Variants in SLC26A7 observed in about 807,000 individuals in gnomAD.
The protein encoded by SLC26A7 is solute carrier family 26 member 7, also known as anion exchange transporter.
SLC26A7 carries 59 observed loss-of-function variants against 82.5 expected under a neutral mutation model. That is an observed-to-expected ratio of 0.72 (90% confidence interval 0.58 to 0.89). The LOEUF is 0.89. Ranked by LOEUF, SLC26A7 falls within the 40% of genes least tolerant of loss-of-function variation. The probability of loss-of-function intolerance (pLI) is 0.00; values close to 1 mark genes in which losing one functional copy is unlikely to be tolerated. For synonymous variants in SLC26A7, 271 were observed against 274.3 expected (o/e 0.99, Z 0.12); for missense variants, 820 against 793.0 (o/e 1.03, Z -0.41).
chr8:91,352,203 TTGAC>T (rs898423950), intron 10 of SLC26A7, among the ~76,000 whole-genome samples: 4 of 152,124 alleles, frequency 2.6e-5, no homozygotes, highest in Non-Finnish European at 5.9e-5. Context: ...TACTAAAACT[TTGAC>T]TGTTAGAAAA....
rs372204178 is a variant in SLC26A7, at chr8:91,390,282, A to AT, written c.1776+852dup. Among the ~76,000 whole-genome samples the AT allele has an allele frequency of 6.0e-3, 902 of 151,252 alleles. 11 individuals carry two copies. Among genetic ancestry groups the AT allele is most frequent in the African/African-American group, 0.017 (682 of 41,284 alleles). ...CAGGCACCTGCCACCACGCCCGGCT[A>AT]TTTTTTTTGTATTTTTAGTAGAGAC... On this transcript the variant is annotated intron_variant, in intron 16 of 18. Coordinates refer to ENST00000276609, the MANE Select transcript of SLC26A7 (RefSeq NM_052832.4).
intron 18 of SLC26A7, chr8:91,394,611 G>T: frequency 8.6e-7 from 1 of 1,157,894 alleles, no homozygotes; most frequent in African/African-American, 1.6e-5. Flanking sequence ...CTCACCCCTA[G>T]AATAACATTT....
At chr8:91,334,487 G>A in intron 6 of SLC26A7, 40 bp downstream of exon 6, 3 of 1,568,866 alleles carry the variant, frequency 1.9e-6, no homozygotes, top group Non-Finnish European at 1.7e-6. Context: ...GCCATGCAAA[G>A]CTTTCCAGTT....
chr8:91,375,857 C>G (rs559750089), intron 15 of SLC26A7, among the ~76,000 whole-genome samples: 1 of 152,002 alleles, frequency 6.6e-6, no homozygotes, highest in Admixed American at 6.5e-5. Context: ...TCTTCTTCTT[C>G]TCTCAGGTAT....
At chr8:91,390,778 C>T (rs1236420666) in intron 16 of SLC26A7, among the ~76,000 whole-genome samples, 1 of 152,216 alleles carries the variant, frequency 6.6e-6, no homozygotes, top group South Asian at 2.1e-4. Context: ...ATGGGTCCCC[C>T]TCATCATGCC....
At chr8:91,394,263 C>T in intron 18 of SLC26A7, 1 of 1,613,290 alleles carries the variant, frequency 6.2e-7, no homozygotes, top group Non-Finnish European at 8.5e-7. Flanking sequence ...TCCAACAATG[C>T]CACCGCTCTG....
In SLC26A7 at chr8:91,341,234, G is replaced by A. The variant is rs560565548; in HGVS notation, c.1026+683G>A. ...TTCCCACCTATGAGTGAGAATATGC[G>A]GTGTTTGGTTTTTTGTTCTTGCGAT... is the stretch of plus-strand genomic sequence containing the variant. On this transcript the variant is annotated intron_variant, in intron 8 of 18. Transcript: ENST00000276609. Among the ~76,000 whole-genome samples, 187 of 151,846 alleles carry A rather than the reference G, an allele frequency of 1.2e-3. 2 individuals are homozygous for A. The highest frequency in any genetic ancestry group is 6.8e-3 in the Middle Eastern group (2 of 294).
chr8:91,221,321 C>T (rs1810157258), intron 2 of SLC26A7, among the ~76,000 whole-genome samples: 1 of 152,038 alleles, frequency 6.6e-6, no homozygotes, highest in Non-Finnish European at 1.5e-5. Flanking sequence ...CTGTTGGTTG[C>T]CTGTTCACTC....
chr8:91,258,518 C>G (rs1262864757), intron 2 of SLC26A7, among the ~76,000 whole-genome samples: 17 of 152,146 alleles, frequency 1.1e-4, no homozygotes, highest in Non-Finnish European at 2.2e-4. Flanking sequence ...TAATGTCTGT[C>G]TAATACACCT....
chr8:91,366,419 C>T (rs77237305), intron 13 of SLC26A7, among the ~76,000 whole-genome samples, 161 bp from the exon 14 acceptor site: 7,388 of 152,054 alleles, frequency 0.049, 239 homozygotes, highest in Middle Eastern at 0.075. Flanking sequence ...ATATATTTCC[C>T]CTAAGGAAGT....
intron 2 of SLC26A7, among the ~76,000 whole-genome samples, chr8:91,278,459 A>T (rs1328482904): frequency 6.6e-6 from 1 of 152,220 alleles, no homozygotes; most frequent in Admixed American, 6.5e-5. Flanking sequence ...CATAATATAT[A>T]GAAGTATATA....
At chr8:91,323,332 A>G (rs1357886619) in intron 5 of SLC26A7, among the ~76,000 whole-genome samples, 2 of 152,196 alleles carry the variant, frequency 1.3e-5, no homozygotes, top group African/African-American at 4.8e-5. Flanking sequence ...TTTGTAGCCA[A>G]TGTTACTTTA....
At chr8:91,259,922 A>T (rs1810915938) in intron 2 of SLC26A7, among the ~76,000 whole-genome samples, 1 of 152,096 alleles carries the variant, frequency 6.6e-6, no homozygotes, top group South Asian at 2.1e-4. Flanking sequence ...TGGCTTACTC[A>T]ACTAATGAAA....
Position 91,295,548 on chromosome 8 carries a change from T to A in SLC26A7, c.322T>A (p.Ser108Thr). ...HVATGTFALT[S>T]LISANAVERI... ...GGTTTCAGGCACCTTTGCCTTGACA[T>A]CCTTAATATCAGCCAACGCCGTGGA... is the stretch of plus-strand genomic sequence containing the variant. The change falls in exon 4 of 19, where the codon TCC (serine) becomes ACC (threonine). Residue 108 changes from serine to threonine, a missense_variant. Physicochemically the swap from Ser to Thr is moderately conservative, Grantham distance 58 (BLOSUM62 1). Transcript: ENST00000276609. 6.2e-7 allele frequency: 1 copy of A among 1,613,094 alleles called. No homozygotes were observed. Among genetic ancestry groups the A allele is most frequent in the East Asian group, 2.2e-5 (1 of 44,852 alleles).
At chr8:91,376,712 A>G (rs1338389837) in intron 15 of SLC26A7, among the ~76,000 whole-genome samples, 2 of 152,112 alleles carry the variant, frequency 1.3e-5, no homozygotes, top group African/African-American at 4.8e-5. Context: ...ATTTAAGACT[A>G]AGAGCTGGCT....
chr8:91,369,703 A>T, intron 14 of SLC26A7, 82 bp from the exon 15 acceptor site: 1 of 1,015,830 alleles, frequency 9.8e-7, no homozygotes, highest in Non-Finnish European at 1.4e-6. Context: ...TATTCTTTAT[A>T]AGTAAAAGAA....
intron 2 of SLC26A7, among the ~76,000 whole-genome samples, chr8:91,258,271 A>G (rs931629705): frequency 5.9e-5 from 9 of 152,094 alleles, no homozygotes; most frequent in Non-Finnish European, 8.8e-5. Context: ...CTAGCTCTAG[A>G]GATAAATCGC....
chr8:91,332,365 T>C (rs908665918), intron 5 of SLC26A7, among the ~76,000 whole-genome samples: 3 of 130,476 alleles, frequency 2.3e-5, no homozygotes, highest in Non-Finnish European at 3.4e-5. Flanking sequence ...TATAATTATA[T>C]ATAAAATTAT....
intron 2 of SLC26A7, among the ~76,000 whole-genome samples, chr8:91,238,948 A>G (rs1810428895): frequency 1.3e-5 from 2 of 152,212 alleles, no homozygotes; most frequent in Non-Finnish European, 2.9e-5. Flanking sequence ...GGACATCTAT[A>G]AGGATTGATA....
Sources: allele counts gnomAD v4.1 joint callset (sites outside exome capture counted in the v4.1 genomes callset), GRCh38; gene constraint gnomAD v4.1.1; transcripts MANE v1.5; gene names NCBI Gene and HGNC (gene_info 2026-07-23, HGNC 2026-07-21).